The following SLC35F1 variants were observed in gnomAD, a reference collection of about 807,000 sequenced individuals.
SLC35F1 encodes chromosome 6 open reading frame 169.
SLC35F1 carries 14 observed loss-of-function variants against 48.7 expected under a neutral mutation model. That is an observed-to-expected ratio of 0.29 (90% CI 0.19 to 0.45). SLC35F1 has a LOEUF of 0.45. Among genes scored for constraint, SLC35F1 ranks in the 20% least tolerant of loss-of-function variants. SLC35F1 has a pLI of 1.00. For synonymous variants in SLC35F1, 190 were observed against 202.2 expected, an observed-to-expected ratio of 0.94 and a Z score of 0.51; for missense variants, 404 against 500.0, an observed-to-expected ratio of 0.81 and a Z score of 1.83.
intron 1 of SLC35F1, among the ~76,000 whole-genome samples, chr6:117,916,606 G>C (rs979429855): frequency 6.6e-6 from 1 of 152,184 alleles, no homozygotes; most frequent in Non-Finnish European, 1.5e-5. Flanking sequence ...GTCTTCAGCT[G>C]GGGCACCTTG....
chr6:117,996,558 C>T (rs977606682), intron 1 of SLC35F1, among the ~76,000 whole-genome samples: 6 of 152,178 alleles, frequency 3.9e-5, no homozygotes, highest in Non-Finnish European at 5.9e-5. Flanking sequence ...ACACCTCACA[C>T]GGCCGGGTAC....
intron 1 of SLC35F1, among the ~76,000 whole-genome samples, chr6:118,045,662 G>C (rs1772289054): frequency 2.0e-5 from 3 of 152,146 alleles, no homozygotes; most frequent in Admixed American, 2.0e-4. Context: ...ATGAGGTTCT[G>C]GAAGGAGGAT....
chr6:118,061,332 T>C (rs906808356), intron 1 of SLC35F1, among the ~76,000 whole-genome samples: 1 of 152,216 alleles, frequency 6.6e-6, no homozygotes, highest in Non-Finnish European at 1.5e-5. Context: ...TGGTTAGTTT[T>C]AGAGGAAATA....
At chr6:118,001,841 T>C (rs1014179667) in intron 1 of SLC35F1, among the ~76,000 whole-genome samples, 10 of 151,786 alleles carry the variant, frequency 6.6e-5, no homozygotes, top group African/African-American at 1.9e-4. Flanking sequence ...CCAAAAAACA[T>C]ATGAAAAAAT....
At chr6:118,195,217 A>G (rs749331967) in intron 2 of SLC35F1, among the ~76,000 whole-genome samples, 1 of 152,160 alleles carries the variant, frequency 6.6e-6, no homozygotes, top group Non-Finnish European at 1.5e-5. Flanking sequence ...AAGTCAGCCA[A>G]TTGGTGCTGC....
chr6:118,178,578 C>T (rs989834863), intron 2 of SLC35F1, among the ~76,000 whole-genome samples: 2 of 151,956 alleles, frequency 1.3e-5, no homozygotes, highest in Non-Finnish European at 2.9e-5. Flanking sequence ...TGTATTAGCC[C>T]AGGTGCCTTT....
intron 1 of SLC35F1, among the ~76,000 whole-genome samples, chr6:118,030,947 TA>T (rs983329672): frequency 6.6e-6 from 1 of 152,328 alleles, no homozygotes; most frequent in East Asian, 1.9e-4. Context: ...CTTTGGAATT[TA>T]TTTTTTTAAT....
chr6:117,921,600 C>T (rs1180244986), intron 1 of SLC35F1, among the ~76,000 whole-genome samples: 2 of 152,158 alleles, frequency 1.3e-5, no homozygotes, highest in African/African-American at 2.4e-5. Flanking sequence ...TTAGTGAAAG[C>T]GGGGTGCTTT....
intron 1 of SLC35F1, among the ~76,000 whole-genome samples, chr6:118,113,921 G>A (rs1773442539): frequency 6.6e-6 from 1 of 152,120 alleles, no homozygotes; most frequent in African/African-American, 2.4e-5. Context: ...CAGTGCCAGT[G>A]TCATCTGTTA....
chr6:118,256,037 A>C (rs900677085), intron 3 of SLC35F1, among the ~76,000 whole-genome samples: 5 of 152,180 alleles, frequency 3.3e-5, no homozygotes, highest in Admixed American at 6.5e-5. Flanking sequence ...TCCAGATGAA[A>C]TATACTACTC....
chr6:118,262,392 T>A, intron 3 of SLC35F1, among the ~76,000 whole-genome samples: 1 of 150,656 alleles, frequency 6.6e-6, no homozygotes, highest in Non-Finnish European at 1.5e-5. Context: ...TCAGCTGGAG[T>A]GGAAAAGAAA....
At chr6:118,234,041 T>C (rs918923597) in intron 2 of SLC35F1, among the ~76,000 whole-genome samples, 1 of 152,212 alleles carries the variant, frequency 6.6e-6, no homozygotes, top group African/African-American at 2.4e-5. Context: ...CTCATTATCA[T>C]GGTCATTGGA....
At chr6:118,077,788 G>A (rs570441820) in intron 1 of SLC35F1, among the ~76,000 whole-genome samples, 1 of 152,200 alleles carries the variant, frequency 6.6e-6, no homozygotes, top group African/African-American at 2.4e-5. Context: ...AATTGCATTA[G>A]GAATAGACAA....
chr6:118,296,456 G>A (rs1453452784), intron 7 of SLC35F1, among the ~76,000 whole-genome samples: 11 of 152,110 alleles, frequency 7.2e-5, no homozygotes, highest in Admixed American at 7.2e-4. Flanking sequence ...TGGGAAATGT[G>A]GTCAATCTAT....
intron 1 of SLC35F1, among the ~76,000 whole-genome samples, chr6:117,917,644 A>C (rs1205506752): frequency 6.6e-6 from 1 of 152,080 alleles, no homozygotes. Context: ...AGACTGGGAG[A>C]GGAACATGTT....
intron 3 of SLC35F1, among the ~76,000 whole-genome samples, chr6:118,261,261 C>T (rs1039727795): frequency 6.6e-6 from 1 of 152,174 alleles, no homozygotes; most frequent in Admixed American, 6.5e-5. Context: ...CTTGGATTCT[C>T]TCCTGAAACA....
intron 1 of SLC35F1, among the ~76,000 whole-genome samples, chr6:118,008,474 A>C (rs1195729361): frequency 6.6e-6 from 1 of 152,192 alleles, no homozygotes; most frequent in Non-Finnish European, 1.5e-5. Flanking sequence ...TGATGTTTAC[A>C]AACAGTGCAG....
chr6:118,274,873 A>G (rs1304637116), intron 4 of SLC35F1, among the ~76,000 whole-genome samples: 2 of 152,182 alleles, frequency 1.3e-5, no homozygotes, highest in African/African-American at 2.4e-5. Flanking sequence ...TCAAAGTGCA[A>G]TCTTGACGGC....
intron 1 of SLC35F1, among the ~76,000 whole-genome samples, chr6:118,074,544 G>T (rs1484914829): frequency 6.6e-6 from 1 of 152,178 alleles, no homozygotes; most frequent in Non-Finnish European, 1.5e-5. Context: ...ACATTCTCAT[G>T]CTCAGTTCAG....
Sources: gnomAD v4.1 joint callset for allele counts (sites outside exome capture counted in the v4.1 genomes callset) on GRCh38, gnomAD v4.1.1 for gene constraint, MANE v1.5 for transcripts, NCBI Gene and HGNC (gene_info 2026-07-23, HGNC 2026-07-21) for gene names.